The following TMEM132B variants were observed in gnomAD, a reference collection of about 807,000 sequenced individuals.
TMEM132B encodes the protein transmembrane protein 132B.
TMEM132B carries 18 observed loss-of-function variants against 90.8 expected under a neutral mutation model. The observed-to-expected ratio is 0.20, with a 90% CI of 0.14 to 0.29. TMEM132B has a LOEUF of 0.29. TMEM132B is among the 10% of genes least tolerant of loss of function. The pLI is 1.00. For synonymous variants in TMEM132B, 504 were observed against 523.3 expected (o/e 0.96, Z 0.50); for missense variants, 1,096 against 1,326.8 (o/e 0.83, Z 2.70).
chr12:125,399,485 G>GTA (rs1375153064), intron 2 of TMEM132B, among the ~76,000 whole-genome samples: 303 of 119,686 alleles, frequency 2.5e-3, no homozygotes, highest in Middle Eastern at 7.6e-3. Context: ...GTGTGTGTAT[G>GTA]TGTGTGTGTG....
At position 125,277,002 on chromosome 12, in the gene TMEM132B, G is replaced by T. The variant is rs367978994; in HGVS notation, c.68-72450G>T. ...TAACGTAGAGGTTGCGAGTCAGAAG[G>T]CTATGAGCTGGATTTGTGGGTACCG... On this transcript the variant is annotated intron_variant, in intron 1 of 8. Transcript: ENST00000682704. This position sits in a 1 kb window ranked among gnomAD's most constrained non-coding sequence, Gnocchi z 4.3. Among the ~76,000 whole-genome samples the T allele has an allele frequency of 6.6e-6, 1 of 152,198 alleles. No homozygotes were observed. The highest frequency in any genetic ancestry group is 2.4e-5 in the African/African-American group (1 of 41,452).
intron 1 of TMEM132B, among the ~76,000 whole-genome samples, chr12:125,269,786 A>G (rs553413483): frequency 2.0e-5 from 3 of 152,266 alleles, no homozygotes; most frequent in South Asian, 4.2e-4. Flanking sequence ...AAGCGCAGAA[A>G]TAAGTATCCA....
intron 1 of TMEM132B, among the ~76,000 whole-genome samples, chr12:125,238,320 T>C (rs1364835074): frequency 3.0e-5 from 4 of 132,826 alleles, no homozygotes; most frequent in African/African-American, 1.2e-4. Context: ...ACCACTGCAC[T>C]CCAGCCTGGG....
chr12:125,214,400 A>C (rs1873387714), intron 1 of TMEM132B, among the ~76,000 whole-genome samples: 1 of 152,204 alleles, frequency 6.6e-6, no homozygotes, highest in African/African-American at 2.4e-5. Flanking sequence ...CCCAGCAGGA[A>C]GAGAACACCT....
intron 4 of TMEM132B, among the ~76,000 whole-genome samples, chr12:125,563,064 C>T (rs1884572676): frequency 6.6e-6 from 1 of 151,628 alleles, no homozygotes; most frequent in African/African-American, 2.4e-5. Flanking sequence ...AAGTTTGCAT[C>T]TCACATAGGC....
At chr12:125,613,876 A>T (rs1885922880) in intron 5 of TMEM132B, among the ~76,000 whole-genome samples, 1 of 151,908 alleles carries the variant, frequency 6.6e-6, no homozygotes, top group East Asian at 1.9e-4. Flanking sequence ...TGCTCATTTT[A>T]TTTGATTCTG....
intron 3 of TMEM132B, among the ~76,000 whole-genome samples, chr12:125,449,247 G>A (rs1054238563): frequency 8.5e-5 from 13 of 152,250 alleles, no homozygotes; most frequent in Middle Eastern, 6.8e-3. Context: ...GATTACAGGC[G>A]TGAGCCACCG....
chr12:125,516,584 C>T (rs947252199), intron 3 of TMEM132B, among the ~76,000 whole-genome samples: 27 of 152,220 alleles, frequency 1.8e-4, no homozygotes, highest in East Asian at 1.9e-4. Flanking sequence ...AGGAGCAGGA[C>T]GTGCCCACAG....
At chr12:125,555,205 C>A (rs1884343458) in intron 4 of TMEM132B, among the ~76,000 whole-genome samples, 1 of 152,182 alleles carries the variant, frequency 6.6e-6, no homozygotes, top group East Asian at 1.9e-4. Context: ...GTTACTTAAC[C>A]ATCTTGTGGT....
intron 1 of TMEM132B, among the ~76,000 whole-genome samples, chr12:125,250,185 G>A (rs565717881): frequency 2.0e-5 from 3 of 152,334 alleles, no homozygotes; most frequent in East Asian, 1.9e-4. Flanking sequence ...GGATCTGGGC[G>A]GCACACCCCA....
chr12:125,224,325 G>A (rs1200422285), intron 1 of TMEM132B, among the ~76,000 whole-genome samples: 1 of 152,204 alleles, frequency 6.6e-6, no homozygotes, highest in Non-Finnish European at 1.5e-5. Context: ...ATACCTAGAA[G>A]TGGAATTGCC....
chr12:125,478,200 G>A (rs866279971), intron 3 of TMEM132B, among the ~76,000 whole-genome samples: 31 of 152,280 alleles, frequency 2.0e-4, no homozygotes, highest in Middle Eastern at 6.8e-3. Context: ...AAACCAGAGC[G>A]CCCCTTCTCC....
intron 4 of TMEM132B, among the ~76,000 whole-genome samples, chr12:125,551,400 T>C (rs769905735): frequency 1.1e-4 from 17 of 152,158 alleles, no homozygotes; most frequent in Admixed American, 6.5e-4. Context: ...ATAAAACCCT[T>C]TTGTTCTGTT....
At chr12:125,331,070 A>C (rs1057248263) in intron 1 of TMEM132B, among the ~76,000 whole-genome samples, 2 of 152,212 alleles carry the variant, frequency 1.3e-5, no homozygotes, top group African/African-American at 2.4e-5. Flanking sequence ...CTCCTCGTGC[A>C]GCGCTGGCGG....
chr12:125,237,559 G>T (rs60877841), intron 1 of TMEM132B, among the ~76,000 whole-genome samples: 1 of 151,946 alleles, frequency 6.6e-6, no homozygotes, highest in South Asian at 2.1e-4. Context: ...AGCAATTCTC[G>T]TGCCTCAGCC....
chr12:125,245,766 G>A (rs1874194091), intron 1 of TMEM132B, among the ~76,000 whole-genome samples: 1 of 152,182 alleles, frequency 6.6e-6, no homozygotes, highest in African/African-American at 2.4e-5. Flanking sequence ...CCCAGGCAGT[G>A]CCGGGGGAGT....
At chr12:125,316,572 T>C (rs1310706338) in intron 1 of TMEM132B, among the ~76,000 whole-genome samples, 2 of 24,474 alleles carry the variant, frequency 8.2e-5, no homozygotes, top group African/African-American at 3.8e-4. Flanking sequence ...CATGAAGCTA[T>C]TTTCTAGAAG....
chr12:125,198,372 A>G (rs1268667231), intron 1 of TMEM132B, among the ~76,000 whole-genome samples: 1 of 152,272 alleles, frequency 6.6e-6, no homozygotes, highest in Non-Finnish European at 1.5e-5. Flanking sequence ...TCTGTCTGCC[A>G]CTTGGTCTCT....
intron 1 of TMEM132B, among the ~76,000 whole-genome samples, chr12:125,318,781 T>G (rs1361956531): frequency 6.6e-6 from 1 of 152,224 alleles, no homozygotes; most frequent in Admixed American, 6.5e-5. Flanking sequence ...GCATTTGGGT[T>G]GATTCCATGT....
Sources: allele counts gnomAD v4.1 joint callset (sites outside exome capture counted in the v4.1 genomes callset), GRCh38; gene constraint gnomAD v4.1.1; non-coding constraint Gnocchi (gnomAD v3.1); transcripts MANE v1.5; gene names NCBI Gene and HGNC (gene_info 2026-07-23, HGNC 2026-07-21).